Variants in SARDH observed in about 807,000 individuals in gnomAD.
SARDH encodes the protein sarcosine dehydrogenase.
Under a neutral mutation model 109.1 loss-of-function variants are expected in SARDH, and 95 were observed. The observed-to-expected ratio is 0.87, with a 90% CI of 0.74 to 1.03. SARDH has a LOEUF of 1.03. SARDH is among the 50% of genes least tolerant of loss of function. SARDH has a pLI of 0.00. For synonymous variants in SARDH, 572 were observed against 534.8 expected (o/e 1.07, Z -0.96); for missense variants, 1,267 against 1,287.8 (o/e 0.98, Z 0.25).
rs1168954981 is a variant in SARDH, at chr9:133,718,879, C to T, written c.1020+59G>A. 5 of 1,331,666 alleles carry T rather than the reference C, an allele frequency of 3.8e-6. No individual in the cohort carries two copies. Among genetic ancestry groups the T allele is most frequent in the Non-Finnish European group, 5.4e-6 (5 of 923,856 alleles). 82.5% of individuals were successfully genotyped at this position (1,331,666 alleles called of 1,614,324 possible). A position where few individuals can be genotyped will look rare whatever the true frequency, so the allele number is the denominator to read the frequency against. On this transcript the variant is annotated intron_variant, in intron 7 of 20. Transcript: ENST00000439388. The surrounding 1 kb of genome is among the most constrained non-coding windows in gnomAD (Gnocchi z 4.2). Reference sequence around the variant, plus strand: ...GGATGGACTTCCTGAAAGAGGCCCTCTCCATGCTGAGATGCAGCCCCAACT... The same window carrying T: ...GGATGGACTTCCTGAAAGAGGCCCTTTCCATGCTGAGATGCAGCCCCAACT...
At chr9:133,680,133 CAG>C (rs1273182551) in intron 17 of SARDH, among the ~76,000 whole-genome samples, 4 of 152,208 alleles carry the variant, frequency 2.6e-5, no homozygotes, top group Non-Finnish European at 2.9e-5. Flanking sequence ...TCAGAGAATC[CAG>C]AGTGTCTGGA....
rs1588430605 is a variant in SARDH at position 133,708,326 on chromosome 9, C to T, written c.1431G>A (p.Pro477=). 6.2e-7 allele frequency: 1 copy of T among 1,613,304 alleles called. No individual in the cohort carries two copies. Among genetic ancestry groups the T allele is most frequent in the Non-Finnish European group, 8.5e-7 (1 of 1,179,712 alleles). ...CTCTCCTCATGTTGCGCCCGGCCAG[C>T]GGCTCATCGTGGGGGAAGACGACGG... The part of the protein sequence containing the change: ...NYSVVFPHDE[P]LAGRNMRRDP... Residue 477 remains proline, a synonymous_variant, in exon 11 of 21, where the codon CCG becomes CCA. Coordinates refer to ENST00000439388, the MANE Select transcript of SARDH (RefSeq NM_001134707.2).
chr9:133,729,941 T>C, intron 5 of SARDH, 76 bp from the exon 6 acceptor site: 1 of 1,590,586 alleles, frequency 6.3e-7, no homozygotes, highest in African/African-American at 1.3e-5. Flanking sequence ...ACAGGCTGCC[T>C]CTGCAGACCT....
rs129932 is a variant in SARDH, at chr9:133,671,557, G to T, written c.2304C>A (p.Ile768=). Residue 768 remains isoleucine, a synonymous_variant, in exon 18 of 21, where the codon ATC becomes ATA. Transcript: ENST00000439388. The part of the protein sequence containing the change: ...HGLINAGYRA[I]DSLSIEKGYR... ...CACCTTTCTCAATGCTCAGGGAGTC[G>T]ATGGCGCGGTACCCTGCGTTGATGA... The T allele has an allele frequency of 5.4e-5, 86 of 1,606,616 alleles. 1 individual carries two copies. In the South Asian group the frequency reaches 9.2e-4, roughly 17 times the overall value.
At position 133,733,881 on chromosome 9, in the gene SARDH, C is replaced by T. The variant is rs537958131; in HGVS notation, c.293G>A (p.Arg98Gln). The change falls in exon 2 of 21, where the codon CGG becomes CAG. Residue 98 changes from arginine (R) to glutamine (Q), a missense_variant. By Grantham distance (43) the Arg-to-Gln change is conservative. Transcript: ENST00000439388. ...GGTGGTCCCGGAGGTCAGCCGCTCC[C>T]GCTCCAGCAGCACCGCCCCACTCAT... ...LGMSGAVLLE[R>Q]ERLTSGTTWH... 1.6e-5 allele frequency: 24 copies of T among 1,498,496 alleles called. No individual in the cohort carries two copies. The East Asian group carries it at 2.1e-4, about 13-fold the overall frequency. The allele number at this position is 1,498,496 out of a possible 1,614,324, so 92.8% of individuals were successfully genotyped here.
intron 18 of SARDH, 50 bp downstream of exon 18, chr9:133,671,485 C>T (rs201861068): frequency 1.1e-5 from 16 of 1,504,680 alleles, no homozygotes; most frequent in Non-Finnish European, 1.4e-5. Context: ...AGCGTCACTG[C>T]CCCCCACTGC....
Position 133,666,956 on chromosome 9 carries a change from T to C in SARDH, c.2496-86A>G. 1 of 1,545,456 alleles carries C rather than the reference T, an allele frequency of 6.5e-7. No individual in the cohort carries two copies. The highest frequency in any genetic ancestry group is 2.3e-5 in the East Asian group (1 of 42,918). ...AGCGGCCTGGAGGAGAATGGGGGGC[T>C]GCATGATGCACACCCAACCGTGGCT... On this transcript the variant is annotated intron_variant, in intron 19 of 20. Coordinates refer to ENST00000439388, the MANE Select transcript of SARDH (RefSeq NM_001134707.2). This position sits in a 1 kb window ranked among gnomAD's most constrained non-coding sequence, Gnocchi z 5.2.
intron 17 of SARDH, among the ~76,000 whole-genome samples, chr9:133,672,226 T>G (rs1830376041): frequency 6.6e-6 from 1 of 152,348 alleles, no homozygotes; most frequent in South Asian, 2.1e-4. Flanking sequence ...GCCTCCCCTT[T>G]GTGTCTCTGT....
chr9:133,726,668 C>T (rs1832503958), intron 6 of SARDH, among the ~76,000 whole-genome samples: 2 of 152,210 alleles, frequency 1.3e-5, no homozygotes, highest in African/African-American at 4.8e-5. Context: ...CCTGCTCTGG[C>T]TGTCCCCAGT....
At chr9:133,679,621 G>A (rs1830628632) in intron 17 of SARDH, among the ~76,000 whole-genome samples, 1 of 152,196 alleles carries the variant, frequency 6.6e-6, no homozygotes, top group African/African-American at 2.4e-5. Flanking sequence ...AATCTTGCTG[G>A]CCTCGAGGCA....
intron 12 of SARDH, chr9:133,703,366 G>A (rs965626281): frequency 2.6e-5 from 9 of 348,716 alleles, no homozygotes; most frequent in African/African-American, 4.1e-5. Context: ...CTGGAGCCAC[G>A]GCAATCCCAG....
chr9:133,709,422 G>A lies in SARDH; in HGVS notation c.1329-994C>T, dbSNP rs767165446. On this transcript the variant is annotated intron_variant, in intron 10 of 20. Transcript: ENST00000439388. This position sits in a 1 kb window ranked among gnomAD's most constrained non-coding sequence, Gnocchi z 4.2. ...TCAGGGCCCTGCAGCCGCCTCCCAC[G>A]CACAAACCTCCCTGTCAGCCCCCGG... is the stretch of plus-strand genomic sequence containing the variant. Among the ~76,000 whole-genome samples, 98 of 151,980 alleles carry A rather than the reference G, an allele frequency of 6.4e-4. No individual in the cohort carries two copies. The highest frequency in any genetic ancestry group is 9.0e-4 in the Non-Finnish European group (61 of 67,996).
chr9:133,661,046 T>C (rs981250938), downstream of SARDH, among the ~76,000 whole-genome samples: 2 of 151,844 alleles, frequency 1.3e-5, no homozygotes, highest in Non-Finnish European at 2.9e-5. Context: ...CTACAAAAAA[T>C]ACAATAATTA....
At chr9:133,716,378 GC>G in intron 8 of SARDH, among the ~76,000 whole-genome samples, 1 of 152,362 alleles carries the variant, frequency 6.6e-6, no homozygotes, top group East Asian at 1.9e-4. Context: ...CTCCTGGGCT[GC>G]CCCACACTCA....
chr9:133,697,192 G>A (rs1439349616), intron 13 of SARDH, among the ~76,000 whole-genome samples: 1 of 152,120 alleles, frequency 6.6e-6, no homozygotes, highest in African/African-American at 2.4e-5. Flanking sequence ...GACTAGACAC[G>A]AAATGGACAA....
At chr9:133,702,525 C>T (rs767102515) in intron 13 of SARDH, among the ~76,000 whole-genome samples, 6 of 152,214 alleles carry the variant, frequency 3.9e-5, no homozygotes, top group Non-Finnish European at 7.3e-5. Flanking sequence ...ATCTACTCTG[C>T]GCTGGCTTCC....
chr9:133,719,547 C>T (rs376651690), intron 6 of SARDH, among the ~76,000 whole-genome samples: 21 of 152,202 alleles, frequency 1.4e-4, no homozygotes, highest in East Asian at 1.4e-3. Context: ...GGGGGTGATG[C>T]GCTTGCTCAT....
intron 14 of SARDH, among the ~76,000 whole-genome samples, chr9:133,695,561 G>A (rs939696921): frequency 2.6e-5 from 4 of 152,190 alleles, no homozygotes; most frequent in Admixed American, 6.5e-5. Context: ...ACCAGCAGCT[G>A]GAAGAGCAAG....
chr9:133,722,023 G>A (rs535624987), intron 6 of SARDH, among the ~76,000 whole-genome samples: 2 of 152,296 alleles, frequency 1.3e-5, no homozygotes, highest in East Asian at 3.9e-4. Context: ...GTGGAGGCAG[G>A]AGAATTTGCT....
Sources: allele counts gnomAD v4.1 joint callset (sites outside exome capture counted in the v4.1 genomes callset), GRCh38; gene constraint gnomAD v4.1.1; non-coding constraint Gnocchi (gnomAD v3.1); transcripts MANE v1.5; gene names NCBI Gene and HGNC (gene_info 2026-07-23, HGNC 2026-07-21).